Variants in TAL1 observed in about 807,000 individuals in gnomAD.
TAL1 encodes the protein TAL bHLH transcription factor 1, erythroid differentiation factor, also known as T-cell acute lymphocytic leukemia protein 1.
In TAL1, 8 loss-of-function variants were observed where a neutral mutation model predicts 17.9. The ratio of observed to expected loss-of-function variants is 0.45; its 90% CI spans 0.26 to 0.81. The LOEUF is 0.81. Among genes scored for constraint, TAL1 ranks in the 30% least tolerant of loss-of-function variants. The pLI is 0.17. For missense variants in TAL1, 466 were observed against 486.9 expected (o/e 0.96, Z 0.40); for synonymous variants, 223 against 218.6 (o/e 1.02, Z -0.18).
chr1:47,231,668 C>T (rs982193189), upstream of TAL1: 3 of 233,732 alleles, frequency 1.3e-5, no homozygotes, highest in Admixed American at 1.1e-4. Flanking sequence ...GAATCAGATC[C>T]CTGCTGAGAA....
chr1:47,216,965 C>T (rs1426231539), exon 4 of TAL1: 1 of 232,134 alleles, frequency 4.3e-6, no homozygotes, highest in East Asian at 6.1e-5. Context: ...GACCTAAAGA[C>T]TTGCCCTTTC....
chr1:47,231,367 C>T (rs1412596339), upstream of TAL1: 1 of 216,938 alleles, frequency 4.6e-6, no homozygotes, highest in Admixed American at 5.8e-5. Flanking sequence ...CTCCCGCCCC[C>T]AGCGATTTGC....
chr1:47,217,217 C>CAA (rs36017365), exon 4 of TAL1: 3,628 of 240,886 alleles, frequency 0.015, no homozygotes, highest in Middle Eastern at 0.027. Context: ...CCATCTCTAC[C>CAA]AAAAAAAAAA....
At chr1:47,229,807 T>G (rs1049054216), upstream of TAL1, 1 of 152,124 alleles carries the variant, frequency 6.6e-6, no homozygotes, top group African/African-American at 2.4e-5. Context: ...GAAAGGCGAA[T>G]AGTCTTCAGA....
rs113074215 is a variant in TAL1 at position 47,225,703 on chromosome 1, G to T, written c.186C>A (p.Gly62=). ...CGGCGCCGCCCCCACCGGCAGGGCCGCCCCCCGGGCCTCCGCGCGCGCCCA... is the reference window on the plus strand; with the variant it reads ...CGGCGCCGCCCCCACCGGCAGGGCCTCCCCCCGGGCCTCCGCGCGCGCCCA... The change falls in exon 2 of 4, where the codon GGC becomes GGA. Residue 62 remains glycine (G), a synonymous_variant. Coordinates refer to ENST00000294339, the Ensembl canonical transcript of TAL1. 4.9e-6 allele frequency: 7 copies of T among 1,442,086 alleles called. No individual in the cohort carries two copies. The South Asian group carries it at 8.3e-5, about 17-fold the overall frequency. The allele number at this position is 1,442,086 out of a possible 1,614,324, so 89.3% of individuals were successfully genotyped here.
chr1:47,219,892 G>A (rs775522994), exon 4 of TAL1: 3 of 1,566,680 alleles, frequency 1.9e-6, no homozygotes, highest in Admixed American at 1.8e-5. Flanking sequence ...ATCTGGGGGC[G>A]CGCCGCCCCC....
chr1:47,225,973 A>T, intron 1 of TAL1, 84 bp from the exon 3 acceptor site: 1 of 1,333,736 alleles, frequency 7.5e-7, no homozygotes, highest in Non-Finnish European at 9.8e-7. Context: ...AAAGGGGAGA[A>T]GGGCAGAGAG....
At chr1:47,225,511 C>T (rs1643893301) in exon 2 of TAL1, 1 of 1,235,794 alleles carries the variant, frequency 8.1e-7, no homozygotes, top group South Asian at 4.0e-5. Context: ...CGGGGGCAGC[C>T]AGCGCGGGAG....
At chr1:47,223,137 A>G (rs1265202938) in intron 3 of TAL1, among the ~76,000 whole-genome samples, 1 of 152,162 alleles carries the variant, frequency 6.6e-6, no homozygotes, top group African/African-American at 2.4e-5. Flanking sequence ...AGTTTGGAGC[A>G]TAAATCCCAG....
chr1:47,220,984 A>G (rs1035756574), intron 3 of TAL1, among the ~76,000 whole-genome samples: 1 of 152,210 alleles, frequency 6.6e-6, no homozygotes, highest in Non-Finnish European at 1.5e-5. Flanking sequence ...CAAGAAGGGG[A>G]GAGGAAGAAG....
At chr1:47,224,418 AC>A (rs1240397949) in intron 2 of TAL1, among the ~76,000 whole-genome samples, 44 of 152,104 alleles carry the variant, frequency 2.9e-4, no homozygotes, top group African/African-American at 1.0e-3. Flanking sequence ...ACACACACAC[AC>A]ACACACACAC....
chr1:47,226,568 G>A (rs763865148), intron 1 of TAL1, among the ~76,000 whole-genome samples: 13 of 152,214 alleles, frequency 8.5e-5, no homozygotes, highest in Non-Finnish European at 1.8e-4. Context: ...TGGGGAGTGA[G>A]GGAGTGTCTG....
At chr1:47,225,379 C>T in intron 2 of TAL1, 64 bp downstream of exon 3, 1 of 1,217,358 alleles carries the variant, frequency 8.2e-7, no homozygotes. Flanking sequence ...AGAAGGAAAC[C>T]CCGGTGGGGG....
At chr1:47,222,777 T>C (rs1173723850) in intron 3 of TAL1, among the ~76,000 whole-genome samples, 1 of 151,952 alleles carries the variant, frequency 6.6e-6, no homozygotes, top group African/African-American at 2.4e-5. Context: ...TCGGTAAATA[T>C]TGCCAACACT....
exon 2 of TAL1, chr1:47,225,539 C>G (rs1008530546): frequency 7.9e-7 from 1 of 1,269,856 alleles, no homozygotes; most frequent in African/African-American, 1.6e-5. Context: ...CTGCACCATG[C>G]GGCCGTCGCC....
exon 4 of TAL1, chr1:47,220,083 G>A: frequency 6.2e-7 from 1 of 1,613,590 alleles, no homozygotes; most frequent in East Asian, 2.2e-5. Context: ...GGATCAGCTT[G>A]CGGAGCTCGG....
At position 47,220,178 on chromosome 1, in the gene TAL1, G is replaced by C. The variant is rs1221596222; in HGVS notation, c.542-4C>G. The C allele has an allele frequency of 6.5e-7, 1 of 1,544,756 alleles. No homozygotes were observed. Among genetic ancestry groups the C allele is most frequent in the African/African-American group, 1.4e-5 (1 of 73,160 alleles). On this transcript the variant is annotated splice_polypyrimidine_tract_variant and splice_region_variant and intron_variant, in intron 3 of 3. Coordinates refer to ENST00000294339, the Ensembl canonical transcript of TAL1. ...CGCACAACTTTGGTGTGGGGACCTG[G>C]AGATTAGGAGGACAAGAGTTAGGAG...
Position 47,219,483 on chromosome 1 carries a change from C to A in TAL1, c.*237G>T, listed in dbSNP as rs1427326508. On this transcript the variant is annotated 3_prime_UTR_variant, in exon 4 of 4. Coordinates refer to ENST00000294339, the Ensembl canonical transcript of TAL1. ...GACTGAGGGAAGAGGGAAGACCGTGCCGTCTTCACAAAAAGTACCTACCAC... is the reference window on the plus strand; with the variant it reads ...GACTGAGGGAAGAGGGAAGACCGTGACGTCTTCACAAAAAGTACCTACCAC... 4 of 708,620 alleles carry A rather than the reference C, an allele frequency of 5.6e-6. No individual in the cohort carries two copies. In the South Asian group the frequency reaches 6.0e-5, roughly 11 times the overall value. 43.9% of individuals were successfully genotyped at this position (708,620 alleles called of 1,614,324 possible). A position where few individuals can be genotyped will look rare whatever the true frequency, so the allele number is the denominator to read the frequency against.
intron 1 of TAL1, chr1:47,228,088 A>G (rs1014970830): frequency 6.5e-6 from 1 of 154,172 alleles, no homozygotes; most frequent in Non-Finnish European, 1.4e-5. Flanking sequence ...CATATTCCAG[A>G]TGAATTGACC....
Sources: allele counts gnomAD v4.1 joint callset (sites outside exome capture counted in the v4.1 genomes callset), GRCh38; gene constraint gnomAD v4.1.1; transcripts MANE v1.5; gene names NCBI Gene and HGNC (gene_info 2026-07-23, HGNC 2026-07-21).